TMEM74: variants seen among roughly 807,000 people sequenced by gnomAD.
The protein encoded by TMEM74 is transmembrane protein 74.
In TMEM74, 13 loss-of-function variants were observed where a neutral mutation model predicts 18.1. The observed-to-expected ratio is 0.72, with a 90% CI of 0.47 to 1.14. The LOEUF (loss-of-function observed/expected upper bound fraction) is 1.14, where lower values mean the gene tolerates loss of function less well. Among genes scored for constraint, TMEM74 ranks in the 50% most tolerant of loss-of-function variants. The probability of loss-of-function intolerance (pLI) is 0.00; values close to 1 mark genes in which losing one functional copy is unlikely to be tolerated. For synonymous variants in TMEM74, 159 were observed against 146.6 expected (o/e 1.08, Z -0.61); for missense variants, 372 against 375.9 (o/e 0.99, Z 0.09).
intron 1 of TMEM74, among the ~76,000 whole-genome samples, chr8:108,691,255 G>A (rs1453669745): frequency 6.6e-6 from 1 of 152,182 alleles, no homozygotes; most frequent in Non-Finnish European, 1.5e-5. Context: ...GGAAAAGGTA[G>A]TTGTTGGGAA....
At chr8:108,635,763 C>T (rs1458139417) in intron 2 of TMEM74, among the ~76,000 whole-genome samples, 7 of 151,964 alleles carry the variant, frequency 4.6e-5, no homozygotes, top group South Asian at 2.1e-4. Flanking sequence ...AATTTTTTTA[C>T]TACTTTGGAT....
intron 2 of TMEM74, among the ~76,000 whole-genome samples, chr8:108,642,994 C>T (rs1290176629): frequency 2.6e-5 from 4 of 152,174 alleles, no homozygotes; most frequent in African/African-American, 9.7e-5. Context: ...TGAGCACTCA[C>T]TATATACCCC....
intron 2 of TMEM74, chr8:108,652,697 C>G: frequency 1.8e-6 from 1 of 558,090 alleles, no homozygotes; most frequent in Non-Finnish European, 3.3e-6. Context: ...GCCCCTAACA[C>G]AGCAAATATT....
intron 2 of TMEM74, among the ~76,000 whole-genome samples, chr8:108,612,060 A>G (rs574611779): frequency 1.6e-4 from 24 of 152,270 alleles, no homozygotes; most frequent in African/African-American, 5.8e-4. Context: ...CACTAACATG[A>G]GAACAGCATG....
intron 1 of TMEM74, among the ~76,000 whole-genome samples, chr8:108,729,796 T>A (rs1368637328): frequency 1.3e-5 from 2 of 152,198 alleles, no homozygotes; most frequent in Non-Finnish European, 2.9e-5. Flanking sequence ...CCATGCTACA[T>A]GCAATGGATA....
At chr8:108,663,022 G>A (rs939951313) in intron 1 of TMEM74, among the ~76,000 whole-genome samples, 3 of 151,940 alleles carry the variant, frequency 2.0e-5, no homozygotes, top group Non-Finnish European at 2.9e-5. Context: ...GCTCTTTTTC[G>A]GTTCCATATG....
At chr8:108,687,488 G>A (rs578073292) in intron 1 of TMEM74, among the ~76,000 whole-genome samples, 25 of 152,100 alleles carry the variant, frequency 1.6e-4, no homozygotes, top group Middle Eastern at 3.4e-3. Context: ...GGATGTTTTC[G>A]GGATGATTCA....
intron 1 of TMEM74, among the ~76,000 whole-genome samples, chr8:108,756,959 T>C (rs78045466): frequency 0.041 from 6,179 of 152,220 alleles, 187 homozygotes; most frequent in Non-Finnish European, 0.064. Flanking sequence ...GGTAATAGCA[T>C]AACTTCTGAT....
rs376102080 is a variant in TMEM74, at chr8:108,668,540, GA to G, written n.120-13104del. ...AATTCTGTGTCTACTGGCCCTGTGA[GA>G]TAAGCCTGACAGCTACACTTATTCC... is the stretch of plus-strand genomic sequence containing the variant. On this transcript the variant is annotated intron_variant and non_coding_transcript_variant, in intron 1 of 3. Coordinates refer to the TMEM74 transcript ENST00000518838. 1.0e-3 allele frequency among the ~76,000 whole-genome samples: 158 copies of G among 152,174 alleles called. 1 individual carries two copies. The highest frequency in any genetic ancestry group is 3.7e-3 in the African/African-American group (155 of 41,528).
intron 1 of TMEM74, among the ~76,000 whole-genome samples, chr8:108,706,440 A>G (rs955693951): frequency 2.0e-5 from 3 of 152,174 alleles, no homozygotes; most frequent in Non-Finnish European, 4.4e-5. Flanking sequence ...TTCCCTGCAT[A>G]TCTACACAAA....
At chr8:108,752,980 G>A (rs1299330867) in intron 1 of TMEM74, among the ~76,000 whole-genome samples, 1 of 152,014 alleles carries the variant, frequency 6.6e-6, no homozygotes, top group East Asian at 1.9e-4. Flanking sequence ...ACCTCAGTTT[G>A]CCTTTTGGGA....
intron 1 of TMEM74, among the ~76,000 whole-genome samples, chr8:108,695,386 C>A (rs1813271958): frequency 6.6e-6 from 1 of 152,146 alleles, no homozygotes; most frequent in Non-Finnish European, 1.5e-5. Context: ...TGGGTACTTA[C>A]CTTGCCTATA....
At chr8:108,753,663 A>T (rs1299740511) in intron 1 of TMEM74, among the ~76,000 whole-genome samples, 1 of 152,024 alleles carries the variant, frequency 6.6e-6, no homozygotes, top group Admixed American at 6.6e-5. Context: ...GGCTGCTTTA[A>T]TGTTTGTCCT....
At chr8:108,711,229 A>C (rs1294668489) in intron 1 of TMEM74, among the ~76,000 whole-genome samples, 2 of 152,214 alleles carry the variant, frequency 1.3e-5, no homozygotes, top group Non-Finnish European at 2.9e-5. Flanking sequence ...CTGAAGTTGT[A>C]GAGTTATTAA....
intron 1 of TMEM74, among the ~76,000 whole-genome samples, chr8:108,669,908 C>G (rs1812985916): frequency 6.6e-6 from 1 of 152,038 alleles, no homozygotes; most frequent in South Asian, 2.1e-4. Flanking sequence ...CATGGTGATG[C>G]ATGCCTGTAA....
At chr8:108,763,272 A>G (rs1814065922) in intron 1 of TMEM74, among the ~76,000 whole-genome samples, 1 of 150,384 alleles carries the variant, frequency 6.6e-6, no homozygotes, top group African/African-American at 2.5e-5. Flanking sequence ...GTCAGACACA[A>G]GGGAAAACAG....
At chr8:108,639,185 G>A (rs906815230) in intron 2 of TMEM74, among the ~76,000 whole-genome samples, 3 of 152,074 alleles carry the variant, frequency 2.0e-5, no homozygotes, top group African/African-American at 7.2e-5. Context: ...AAATGGTTTT[G>A]GGTTTAAACT....
intron 1 of TMEM74, among the ~76,000 whole-genome samples, chr8:108,760,256 C>T (rs574504828): frequency 6.6e-5 from 10 of 151,584 alleles, no homozygotes; most frequent in African/African-American, 2.4e-4. Context: ...TATAATAGGT[C>T]TGAAGGCCTT....
At chr8:108,704,871 G>C (rs888059845) in intron 1 of TMEM74, among the ~76,000 whole-genome samples, 7 of 152,214 alleles carry the variant, frequency 4.6e-5, no homozygotes, top group Non-Finnish European at 1.5e-5. Flanking sequence ...GTGTCAAACT[G>C]TCAGCAAAGT....
Sources: gnomAD v4.1 joint callset for allele counts (sites outside exome capture counted in the v4.1 genomes callset) on GRCh38, gnomAD v4.1.1 for gene constraint, MANE v1.5 for transcripts, NCBI Gene and HGNC (gene_info 2026-07-23, HGNC 2026-07-21) for gene names.